Variants in COX7B2 observed in about 807,000 individuals in gnomAD.
The protein encoded by COX7B2 is cytochrome c oxidase subunit 7B2, mitochondrial.
For synonymous variants in COX7B2, 37 were observed against 32.1 expected, an observed-to-expected ratio of 1.15 and a Z score of -0.51; for missense variants, 109 against 95.9, an observed-to-expected ratio of 1.14 and a Z score of -0.57.
At chr4:46,885,294 C>T (rs765471617) in intron 1 of COX7B2, among the ~76,000 whole-genome samples, 3 of 152,012 alleles carry the variant, frequency 2.0e-5, no homozygotes, top group Non-Finnish European at 4.4e-5. Context: ...AAATAAAACA[C>T]GCATATAATC....
intron 2 of COX7B2, among the ~76,000 whole-genome samples, chr4:46,792,429 T>TCGAC (rs1178605765): frequency 6.6e-6 from 1 of 152,174 alleles, no homozygotes; most frequent in African/African-American, 2.4e-5. Flanking sequence ...AGGGTGACCA[T>TCGAC]CGACCAACCC....
At chr4:46,757,913 G>C (rs1337930713) in intron 2 of COX7B2, among the ~76,000 whole-genome samples, 2 of 152,102 alleles carry the variant, frequency 1.3e-5, no homozygotes, top group Admixed American at 6.6e-5. Flanking sequence ...AATGTGACTG[G>C]GGCATCATGT....
intron 2 of COX7B2, among the ~76,000 whole-genome samples, chr4:46,779,498 A>G (rs1441465811): frequency 1.3e-5 from 2 of 152,178 alleles, no homozygotes; most frequent in Non-Finnish European, 2.9e-5. Flanking sequence ...CAGATATTTA[A>G]TATCTTTTCA....
intron 2 of COX7B2, among the ~76,000 whole-genome samples, chr4:46,792,588 T>C (rs1010954229): frequency 9.9e-5 from 15 of 152,160 alleles, no homozygotes; most frequent in Non-Finnish European, 2.2e-4. Context: ...TTCTCAGACA[T>C]TCAGAATCAG....
intron 2 of COX7B2, among the ~76,000 whole-genome samples, chr4:46,786,630 C>G (rs1717765562): frequency 6.6e-6 from 1 of 152,120 alleles, no homozygotes; most frequent in Non-Finnish European, 1.5e-5. Flanking sequence ...CTGAGATAAT[C>G]TAGCTTTGCA....
At chr4:46,785,930 G>A (rs1283207499) in intron 2 of COX7B2, among the ~76,000 whole-genome samples, 10 of 152,218 alleles carry the variant, frequency 6.6e-5, no homozygotes. Context: ...CTATTCTCAG[G>A]ATTGGTAAGA....
At chr4:46,897,245 A>G (rs1719818312) in intron 1 of COX7B2, among the ~76,000 whole-genome samples, 1 of 152,266 alleles carries the variant, frequency 6.6e-6, no homozygotes, top group East Asian at 1.9e-4. Context: ...CAGCTCTTGT[A>G]AAATAAAGGT....
chr4:46,755,408 G>A (rs746907452), intron 2 of COX7B2, among the ~76,000 whole-genome samples: 1 of 151,950 alleles, frequency 6.6e-6, no homozygotes, highest in Non-Finnish European at 1.5e-5. Flanking sequence ...TCTAGAACAA[G>A]AAAATGATGC....
Position 46,893,453 on chromosome 4 carries a change from C to A in COX7B2, c.-105+15707G>T, listed in dbSNP as rs111321442. Among the ~76,000 whole-genome samples the A allele has an allele frequency of 2.7e-3, 415 of 152,248 alleles. 2 individuals are homozygous for A. Among genetic ancestry groups the A allele is most frequent in the African/African-American group, 9.1e-3 (378 of 41,538 alleles). On this transcript the variant is annotated intron_variant, in intron 1 of 2. Transcript: ENST00000355591. Reference sequence around the variant, plus strand: ...GTGAGTTCTCTAAGGGCAGAAATGCCTCCTTCATTTGTTTATTCTCTAGAC... The same window carrying A: ...GTGAGTTCTCTAAGGGCAGAAATGCATCCTTCATTTGTTTATTCTCTAGAC...
intron 1 of COX7B2, among the ~76,000 whole-genome samples, chr4:46,885,484 G>A (rs377446957): frequency 2.6e-4 from 40 of 152,122 alleles, no homozygotes; most frequent in African/African-American, 7.7e-4. Context: ...TTGTATTTGC[G>A]CAGCACCTTA....
chr4:46,814,957 G>A (rs1399900150), intron 2 of COX7B2, among the ~76,000 whole-genome samples: 1 of 152,036 alleles, frequency 6.6e-6, no homozygotes, highest in Non-Finnish European at 1.5e-5. Flanking sequence ...TGGCCGAAGT[G>A]GGCGAATCAC....
intron 1 of COX7B2, among the ~76,000 whole-genome samples, chr4:46,850,994 C>T (rs1324436244): frequency 2.0e-5 from 3 of 151,896 alleles, no homozygotes; most frequent in Non-Finnish European, 4.4e-5. Context: ...CTAAGAAATA[C>T]CAAGAACATG....
Position 46,735,225 on chromosome 4 carries a change from A to C in COX7B2, c.-33T>G. 2 of 1,609,340 alleles carry C rather than the reference A, an allele frequency of 1.2e-6. No homozygotes were observed. Among genetic ancestry groups the C allele is most frequent in the Non-Finnish European group, 1.7e-6 (2 of 1,178,782 alleles). On this transcript the variant is annotated 5_prime_UTR_variant, in exon 3 of 3. Transcript: ENST00000355591. Reference sequence around the variant, plus strand: ...TGCAGTTGCCTTCAGCTACTGGTCTATTTTGTTGCAAAGAGGCTGGAAAGA... The same window carrying C: ...TGCAGTTGCCTTCAGCTACTGGTCTCTTTTGTTGCAAAGAGGCTGGAAAGA...
At chr4:46,738,784 AAGAT>A (rs1002827651) in intron 2 of COX7B2, among the ~76,000 whole-genome samples, 14 of 152,108 alleles carry the variant, frequency 9.2e-5, no homozygotes, top group African/African-American at 3.4e-4. Context: ...AGACTACAAA[AAGAT>A]AGAGGAAGAC....
At chr4:46,901,280 G>A (rs1398170) in intron 1 of COX7B2, among the ~76,000 whole-genome samples, 36,982 of 152,088 alleles carry the variant, frequency 0.24, 4,704 homozygotes, top group East Asian at 0.29. Flanking sequence ...TGGTCTCACC[G>A]ATGGACTTGA....
chr4:46,852,563 TACAC>T (rs113148039), intron 1 of COX7B2, among the ~76,000 whole-genome samples: 227 of 145,774 alleles, frequency 1.6e-3, no homozygotes, highest in East Asian at 8.8e-3. Flanking sequence ...AATACACAAA[TACAC>T]ACACACACAC....
intron 1 of COX7B2, among the ~76,000 whole-genome samples, chr4:46,873,325 G>A (rs895853485): frequency 6.6e-6 from 1 of 152,118 alleles, no homozygotes; most frequent in Non-Finnish European, 1.5e-5. Context: ...TTATAATCCT[G>A]TGGGTATATA....
intron 2 of COX7B2, among the ~76,000 whole-genome samples, chr4:46,836,207 C>CTTA (rs1374462023): frequency 6.6e-6 from 1 of 152,054 alleles, no homozygotes; most frequent in Non-Finnish European, 1.5e-5. Flanking sequence ...TAAACCTTAG[C>CTTA]TTATTGCAAC....
At chr4:46,813,302 G>A (rs1195399703) in intron 2 of COX7B2, among the ~76,000 whole-genome samples, 1 of 152,130 alleles carries the variant, frequency 6.6e-6, no homozygotes, top group Non-Finnish European at 1.5e-5. Flanking sequence ...AAATACTGCT[G>A]CAGTAAACAT....
Sources: allele counts gnomAD v4.1 joint callset (sites outside exome capture counted in the v4.1 genomes callset), GRCh38; gene constraint gnomAD v4.1.1; transcripts MANE v1.5; gene names NCBI Gene and HGNC (gene_info 2026-07-23, HGNC 2026-07-21).